The following TEX52 variants were observed in gnomAD, a reference collection of about 807,000 sequenced individuals.
TEX52 encodes testis expressed 52.
In TEX52, 22 loss-of-function variants were observed where a neutral mutation model predicts 17.6. The observed-to-expected ratio is 1.25, with a 90% CI of 0.89 to 1.78. The LOEUF is 1.78. Ranked by LOEUF, TEX52 falls within the 40% of genes most tolerant of loss-of-function variation. TEX52 has a pLI of 0.00. For missense variants in TEX52, 396 were observed against 372.3 expected, an observed-to-expected ratio of 1.06 and a Z score of -0.52; for synonymous variants, 168 against 147.4, an observed-to-expected ratio of 1.14 and a Z score of -1.01.
rs2098083529 is a variant in TEX52, at chr12:2,855,197, A to G, written c.322T>C (p.Phe108Leu). Reference protein sequence around the residue: ...WLDVCRLPATFPTQPDRPYDS... With the variant: ...WLDVCRLPATLPTQPDRPYDS... ...TAGGGCCTGTCAGGCTGGGTGGGGA[A>G]GGTGGCAGGCAGACGGCACACATCG... The change falls in exon 2 of 3, where the codon TTC (phenylalanine) becomes CTC (leucine). Residue 108 changes from phenylalanine to leucine, a missense_variant. Physicochemically the swap from Phe to Leu is conservative, Grantham distance 22. Coordinates refer to ENST00000637658, the MANE Select transcript of TEX52 (RefSeq NM_001365174.2). The G allele has an allele frequency of 6.6e-7, 1 of 1,507,912 alleles. No individual in the cohort carries two copies. The highest frequency in any genetic ancestry group is 2.5e-5 in the East Asian group (1 of 40,488). The allele number at this position is 1,507,912 out of a possible 1,614,324, so 93.4% of individuals were successfully genotyped here. A position where few individuals can be genotyped will look rare whatever the true frequency, so the allele number is the denominator to read the frequency against.
chr12:2,852,087 C>T (rs1396688139), intron 2 of TEX52, among the ~76,000 whole-genome samples: 1 of 152,152 alleles, frequency 6.6e-6, no homozygotes, highest in African/African-American at 2.4e-5. Context: ...TATGGGACCG[C>T]TGTGGTATAT....
chr12:2,856,346 G>A (rs919482440), intron 1 of TEX52, among the ~76,000 whole-genome samples: 8 of 151,998 alleles, frequency 5.3e-5, no homozygotes, highest in African/African-American at 1.2e-4. Context: ...AAAATGCTTC[G>A]CCCTCCTATC....
rs1459829748 is a variant in TEX52, at chr12:2,849,436, C to G, written c.713G>C (p.Trp238Ser). 1.3e-6 allele frequency: 2 copies of G among 1,536,160 alleles called. No homozygotes were observed. Among genetic ancestry groups the G allele is most frequent in the Non-Finnish European group, 1.7e-6 (2 of 1,146,920 alleles). ...GTGAGGCAGAGGGTTTGGGCAGGGC[C>G]AGCTCCTGGCGAAATTATTGGGAAA... Reference protein sequence around the residue: ...NPFPNNFARSWPCPNPLPHYQ... With the variant: ...NPFPNNFARSSPCPNPLPHYQ... The change falls in exon 3 of 3, where the codon TGG becomes TCG. Residue 238 changes from tryptophan (W) to serine (S), a missense_variant. By Grantham distance (177) the Trp-to-Ser change is radical (BLOSUM62 -3). Coordinates refer to ENST00000637658, the MANE Select transcript of TEX52 (RefSeq NM_001365174.2).
At chr12:2,852,161 C>T (rs2098073106) in intron 2 of TEX52, among the ~76,000 whole-genome samples, 1 of 152,168 alleles carries the variant, frequency 6.6e-6, no homozygotes, top group Admixed American at 6.5e-5. Flanking sequence ...CCTGCCTTCT[C>T]TGGGGACCTA....
In TEX52 at chr12:2,855,220, T is replaced by C; in HGVS notation, c.299A>G (p.Asp100Gly). 6.6e-7 allele frequency: 1 copy of C among 1,505,938 alleles called. No individual in the cohort carries two copies. Among genetic ancestry groups the C allele is most frequent in the African/African-American group, 1.4e-5 (1 of 72,570 alleles). 93.3% of individuals were successfully genotyped at this position (1,505,938 alleles called of 1,614,324 possible). Reference protein sequence around the residue: ...QHTWGFHTWLDVCRLPATFPT... With the variant: ...QHTWGFHTWLGVCRLPATFPT... Reference sequence around the variant, plus strand: ...GAAGGTGGCAGGCAGACGGCACACATCGAGCCACGTGTGAAAGCCCCAGGT... The same window carrying C: ...GAAGGTGGCAGGCAGACGGCACACACCGAGCCACGTGTGAAAGCCCCAGGT... Residue 100 changes from aspartate to glycine, a missense_variant, in exon 2 of 3, where the codon GAT becomes GGT. Asp to Gly is a moderately conservative substitution (Grantham distance 94). Transcript: ENST00000637658.
chr12:2,853,860 A>G (rs2098079128), intron 2 of TEX52, among the ~76,000 whole-genome samples: 1 of 152,000 alleles, frequency 6.6e-6, no homozygotes, highest in African/African-American at 2.4e-5. Flanking sequence ...CCGACTTCTC[A>G]GCCCTGCCTG....
rs752045113 is a variant in TEX52 at position 2,855,116 on chromosome 12, TG to T, written c.402del (p.Thr135ArgfsTer17). The T allele has an allele frequency of 1.4e-5, 22 of 1,531,682 alleles. 1 individual carries two copies. The highest frequency in any genetic ancestry group is 1.3e-4 in the South Asian group (11 of 83,768). The allele number at this position is 1,531,682 out of a possible 1,614,324, so 94.9% of individuals were successfully genotyped here. A position where few individuals can be genotyped will look rare whatever the true frequency, so the allele number is the denominator to read the frequency against. On this transcript the variant is annotated frameshift_variant, in exon 2 of 3. Transcript: ENST00000637658. LOFTEE classifies it high-confidence loss of function. Reference sequence around the variant, plus strand: ...GAGGGAGGGGGGATGGGGTGCTCCGTGGGGGGGCATCTGTGGGCATTGGAGT... The same window carrying T: ...GAGGGAGGGGGGATGGGGTGCTCCGTGGGGGGCATCTGTGGGCATTGGAGT... The part of the protein sequence containing the change: ...LTDSNAHRCP[P>X]TEHPIPPPSW...
chr12:2,849,125 G>A lies in TEX52; in HGVS notation c.*106C>T. ...ATGGTGGAGAGGCTGTTCTGCAGAAGCCAGAGTCCTTTTGCTACCCCAGGG... is the reference window on the plus strand; with the variant it reads ...ATGGTGGAGAGGCTGTTCTGCAGAAACCAGAGTCCTTTTGCTACCCCAGGG... On this transcript the variant is annotated 3_prime_UTR_variant, in exon 3 of 3. Coordinates refer to ENST00000637658, the MANE Select transcript of TEX52 (RefSeq NM_001365174.2). 1.6e-6 allele frequency: 2 copies of A among 1,216,698 alleles called. No individual in the cohort carries two copies. Among genetic ancestry groups the A allele is most frequent in the Non-Finnish European group, 2.2e-6 (2 of 897,936 alleles). The allele number at this position is 1,216,698 out of a possible 1,614,324, so 75.4% of individuals were successfully genotyped here.
intron 2 of TEX52, 40 bp downstream of exon 2, chr12:2,854,856 G>A (rs1034100401): frequency 3.3e-6 from 5 of 1,502,470 alleles, no homozygotes; most frequent in Non-Finnish European, 4.4e-6. Context: ...CACCTGGGCA[G>A]GGCAGGCTGG....
chr12:2,851,241 G>A (rs1234665504), intron 2 of TEX52, among the ~76,000 whole-genome samples: 2 of 152,082 alleles, frequency 1.3e-5, no homozygotes, highest in African/African-American at 4.8e-5. Context: ...GTTGCTCTGG[G>A]TGAGTGAGTG....
At position 2,855,286 on chromosome 12, in the gene TEX52, C is replaced by T. The variant is rs996844095; in HGVS notation, c.233G>A (p.Arg78His). 166 of 1,520,496 alleles carry T rather than the reference C, an allele frequency of 1.1e-4. No individual in the cohort carries two copies. The African/African-American group carries it at 1.6e-3, about 15-fold the overall frequency. 94.2% of individuals were successfully genotyped at this position (1,520,496 alleles called of 1,614,324 possible). A position where few individuals can be genotyped will look rare whatever the true frequency, so the allele number is the denominator to read the frequency against. The change falls in exon 2 of 3, where the codon CGT (arginine) becomes CAT (histidine). Residue 78 changes from arginine (R) to histidine (H), a missense_variant. Physicochemically the swap from Arg to His is conservative, Grantham distance 29 (BLOSUM62 0). Transcript: ENST00000637658. The part of the protein sequence containing the change: ...PPCTDMKSKV[R>H]QRLIHPWKGG... Reference sequence around the variant, plus strand: ...CTTCCAAGGGTGGATGAGCCGCTGACGCACCTTGGACTTCATATCTGTGCA... The same window carrying T: ...CTTCCAAGGGTGGATGAGCCGCTGATGCACCTTGGACTTCATATCTGTGCA...
chr12:2,849,090 G>A lies in TEX52; in HGVS notation c.*141C>T. 1.2e-6 allele frequency: 1 copy of A among 832,764 alleles called. No individual in the cohort carries two copies. The highest frequency in any genetic ancestry group is 1.8e-6 in the Non-Finnish European group (1 of 550,854). 51.6% of individuals were successfully genotyped at this position (832,764 alleles called of 1,614,324 possible). ...AGCCTGGGGTACAGAGGTGGCTTGA[G>A]GCTGGGAGGATGGTGGAGAGGCTGT... On this transcript the variant is annotated 3_prime_UTR_variant, in exon 3 of 3. Transcript: ENST00000637658.
Position 2,849,081 on chromosome 12 carries a change from G to T in TEX52, c.*150C>A. 1.4e-6 allele frequency: 1 copy of T among 734,958 alleles called. No homozygotes were observed. The highest frequency in any genetic ancestry group is 2.2e-6 in the Non-Finnish European group (1 of 462,200). 45.5% of individuals were successfully genotyped at this position (734,958 alleles called of 1,614,324 possible). ...ATCTCCAATAGCCTGGGGTACAGAG[G>T]TGGCTTGAGGCTGGGAGGATGGTGG... On this transcript the variant is annotated 3_prime_UTR_variant, in exon 3 of 3. Transcript: ENST00000637658.
chr12:2,849,348 T>A lies in TEX52; in HGVS notation c.801A>T (p.Ile267=). 2.0e-6 allele frequency: 3 copies of A among 1,536,076 alleles called. No homozygotes were observed. The highest frequency in any genetic ancestry group is 2.6e-6 in the Non-Finnish European group (3 of 1,146,904). ...CCTTTATCAGGGTTTGGAAATCCCT[T>A]ATGAGGTCCTGGCTCAGGGGCGCGC... ...LPSAPLSQDL[I]RDFQTLIKDR... Residue 267 remains isoleucine, a synonymous_variant, in exon 3 of 3, where the codon ATA becomes ATT. Coordinates refer to ENST00000637658, the MANE Select transcript of TEX52 (RefSeq NM_001365174.2).
In TEX52 at chr12:2,849,227, C is replaced by T. The variant is rs575350085; in HGVS notation, c.*4G>A. On this transcript the variant is annotated 3_prime_UTR_variant, in exon 3 of 3. Coordinates refer to ENST00000637658, the MANE Select transcript of TEX52 (RefSeq NM_001365174.2). The stretch of plus-strand genomic sequence containing the variant: ...TATCACGATCGTCCCCTCTGGAAGC[C>T]CTTCTAGAAGTGTCCAGGTCTTCTC... 2.7e-5 allele frequency: 42 copies of T among 1,532,582 alleles called. No homozygotes were observed. In the African/African-American group the frequency reaches 5.3e-4, roughly 20 times the overall value. 94.9% of individuals were successfully genotyped at this position (1,532,582 alleles called of 1,614,324 possible).
downstream of TEX52, among the ~76,000 whole-genome samples, chr12:2,848,877 G>GCGCA (rs1555092608): frequency 1.1e-3 from 154 of 140,372 alleles, 1 homozygote; most frequent in African/African-American, 2.2e-3. Context: ...ACACACACAC[G>GCGCA]CACACACACA....
rs1354699888 is a variant in TEX52 at position 2,855,195 on chromosome 12, G to A, written c.324C>T (p.Phe108=). The part of the protein sequence containing the change: ...WLDVCRLPAT[F]PTQPDRPYDS... ...CGTAGGGCCTGTCAGGCTGGGTGGGGAAGGTGGCAGGCAGACGGCACACAT... is the reference window on the plus strand; with the variant it reads ...CGTAGGGCCTGTCAGGCTGGGTGGGAAAGGTGGCAGGCAGACGGCACACAT... The change falls in exon 2 of 3, where the codon TTC becomes TTT. Residue 108 remains phenylalanine (F), a synonymous_variant. Transcript: ENST00000637658. 1 of 1,507,966 alleles carries A rather than the reference G, an allele frequency of 6.6e-7. No individual in the cohort carries two copies. Among genetic ancestry groups the A allele is most frequent in the East Asian group, 2.5e-5 (1 of 40,480 alleles). 93.4% of individuals were successfully genotyped at this position (1,507,966 alleles called of 1,614,324 possible).
In TEX52 at chr12:2,855,104, T is replaced by C. The variant is rs1478403138; in HGVS notation, c.415A>G (p.Ile139Val). The change falls in exon 2 of 3, where the codon ATC becomes GTC. Residue 139 changes from isoleucine to valine, a missense_variant. By Grantham distance (29) the Ile-to-Val change is conservative (BLOSUM62 3). Transcript: ENST00000637658. ...TGCCCCATCCAGGAGGGAGGGGGGA[T>C]GGGGTGCTCCGTGGGGGGGCATCTG... ...AHRCPPTEHP[I>V]PPPSWMGQNS... is the part of the protein sequence containing the mutation. The C allele has an allele frequency of 6.5e-7, 1 of 1,534,936 alleles. No homozygotes were observed. The highest frequency in any genetic ancestry group is 8.7e-7 in the Non-Finnish European group (1 of 1,146,346).
rs191449301 is a variant in TEX52 at position 2,855,747 on chromosome 12, T to G, written c.73-301A>C. Among the ~76,000 whole-genome samples, 116 of 152,282 alleles carry G rather than the reference T, an allele frequency of 7.6e-4. 1 individual carries two copies. The Middle Eastern group carries it at 0.024, about 31-fold the overall frequency. On this transcript the variant is annotated intron_variant, in intron 1 of 2. Transcript: ENST00000637658. ...TCTTTACCTTCACCTCCCTCCTCCGTTCTGGCATCCCCACATTCCCACCCA... is the reference window on the plus strand; with the variant it reads ...TCTTTACCTTCACCTCCCTCCTCCGGTCTGGCATCCCCACATTCCCACCCA...
Sources: allele counts gnomAD v4.1 joint callset (sites outside exome capture counted in the v4.1 genomes callset), GRCh38; gene constraint gnomAD v4.1.1; transcripts MANE v1.5; gene names NCBI Gene and HGNC (gene_info 2026-07-23, HGNC 2026-07-21).